The following ROS1 variants were observed in gnomAD, a reference collection of about 807,000 sequenced individuals.
ROS1 encodes the protein ROS proto-oncogene 1, receptor tyrosine kinase, also known as proto-oncogene tyrosine-protein kinase ROS.
Under a neutral mutation model 273.5 loss-of-function variants are expected in ROS1, and 263 were observed. That is an observed-to-expected ratio of 0.96 (90% CI 0.87 to 1.06). ROS1 has a LOEUF of 1.06. Among genes scored for constraint, ROS1 ranks in the 50% least tolerant of loss-of-function variants. ROS1 has a pLI of 0.00. For missense variants in ROS1, 2,833 were observed against 2,751.1 expected (o/e 1.03, Z -0.67); for synonymous variants, 1,008 against 954.1 (o/e 1.06, Z -1.04).
chr6:117,373,811 C>T (rs553628036), intron 18 of ROS1, among the ~76,000 whole-genome samples: 1 of 152,196 alleles, frequency 6.6e-6, no homozygotes, highest in African/African-American at 2.4e-5. Flanking sequence ...TGAGAGTGAG[C>T]GAGGGCTGCT....
intron 10 of ROS1, 109 bp downstream of exon 10, chr6:117,394,507 T>G: frequency 1.1e-6 from 1 of 919,304 alleles, no homozygotes; most frequent in South Asian, 3.4e-5. Context: ...TATTAGGATA[T>G]TAAGAGAATA....
chr6:117,371,195 C>T (rs1348794518), intron 18 of ROS1, among the ~76,000 whole-genome samples: 2 of 152,150 alleles, frequency 1.3e-5, no homozygotes, highest in Admixed American at 1.3e-4. Context: ...AGAGAATCCA[C>T]AGACGCTTTG....
At chr6:117,380,757 C>T (rs537701844) in intron 17 of ROS1, among the ~76,000 whole-genome samples, 1 of 151,992 alleles carries the variant, frequency 6.6e-6, no homozygotes, top group East Asian at 1.9e-4. Context: ...TTTATATAAA[C>T]CTCTCTGATC....
rs546028106 is a variant in ROS1 at position 117,341,276 on chromosome 6, T to G, written c.4920A>C (p.Thr1640=). Residue 1640 remains threonine (T), a synonymous_variant, in exon 31 of 44, where the codon ACA becomes ACC. Coordinates refer to ENST00000368507, the MANE Select transcript of ROS1 (RefSeq NM_001378902.1). The part of the protein sequence containing the change: ...LACHSEEMWC[T]ESHPVTVEMF... ...TTTCCACAGTGACAGGATGACTCTC[T>G]GTACACCACATTTCCTCAGAGTGGC... 1 of 1,613,412 alleles carries G rather than the reference T, an allele frequency of 6.2e-7. No individual in the cohort carries two copies. The highest frequency in any genetic ancestry group is 1.3e-5 in the African/African-American group (1 of 74,878).
rs2128575030 is a variant in ROS1, at chr6:117,324,382, A to G, written c.5573T>C (p.Leu1858Pro). The G allele has an allele frequency of 6.6e-7, 1 of 1,515,282 alleles. No homozygotes were observed. The highest frequency in any genetic ancestry group is 9.1e-7 in the Non-Finnish European group (1 of 1,098,788). The allele number at this position is 1,515,282 out of a possible 1,614,324, so 93.9% of individuals were successfully genotyped here. A position where few individuals can be genotyped will look rare whatever the true frequency, so the allele number is the denominator to read the frequency against. ...DFWIPETSFI[L>P]TIIVGIFLVV... Reference sequence around the variant, plus strand: ...CAGAAATATTCCAACTATAATAGTAAGTATGAAACTTGTTTCTGGTATCCA... The same window carrying G: ...CAGAAATATTCCAACTATAATAGTAGGTATGAAACTTGTTTCTGGTATCCA... The change falls in exon 35 of 44, where the codon CTT (leucine) becomes CCT (proline). Residue 1858 changes from leucine (L) to proline (P), a missense_variant. Coordinates refer to ENST00000368507, the MANE Select transcript of ROS1 (RefSeq NM_001378902.1).
intron 4 of ROS1, among the ~76,000 whole-genome samples, chr6:117,411,981 T>A (rs1236662847): frequency 1.3e-5 from 2 of 152,166 alleles, no homozygotes. Flanking sequence ...ATTAGGGTGA[T>A]CCAAGCCAAG....
chr6:117,299,151 G>T (rs1774484107), intron 43 of ROS1, among the ~76,000 whole-genome samples: 1 of 152,220 alleles, frequency 6.6e-6, no homozygotes, highest in South Asian at 2.1e-4. Context: ...TCTAATGAGG[G>T]TTATGACGCA....
Position 117,337,324 on chromosome 6 carries a change from A to G in ROS1, c.5078T>C (p.Phe1693Ser). ...VELQKWKYNE[F>S]YHVKTSCSQG... ...GCTGCATGAAGTTTTAACATGGTAAAACTCATTGTATTTCCACTAGAAAAA... is the reference window on the plus strand; with the variant it reads ...GCTGCATGAAGTTTTAACATGGTAAGACTCATTGTATTTCCACTAGAAAAA... Residue 1693 changes from phenylalanine (F) to serine (S), a missense_variant, in exon 32 of 44, where the codon TTT becomes TCT. Transcript: ENST00000368507. 2 of 1,597,404 alleles carry G rather than the reference A, an allele frequency of 1.3e-6. No homozygotes were observed. Among genetic ancestry groups the G allele is most frequent in the Admixed American group, 3.6e-5 (2 of 55,476 alleles).
intron 5 of ROS1, among the ~76,000 whole-genome samples, chr6:117,406,593 T>C (rs1479214632): frequency 6.6e-6 from 1 of 152,166 alleles, no homozygotes; most frequent in Non-Finnish European, 1.5e-5. Flanking sequence ...TTTTAGAATA[T>C]AATAAAGGAA....
intron 4 of ROS1, among the ~76,000 whole-genome samples, chr6:117,409,989 A>G (rs889609775): frequency 6.6e-5 from 10 of 152,204 alleles, no homozygotes; most frequent in African/African-American, 2.4e-4. Context: ...TTTTATTGAA[A>G]TATATTCACC....
Position 117,387,792 on chromosome 6 carries a change from T to C in ROS1, c.1987A>G (p.Thr663Ala), listed in dbSNP as rs768558296. The C allele has an allele frequency of 5.0e-6, 8 of 1,613,932 alleles. No individual in the cohort carries two copies. The African/African-American group carries it at 8.0e-5, about 16-fold the overall frequency. Reference protein sequence around the residue: ...GPWSEPSVGTTLVPASEPPFI... With the variant: ...GPWSEPSVGTALVPASEPPFI... Reference sequence around the variant, plus strand: ...AACATTTTCTCACCTGGCACCAGGGTAGTACCCACTGAGGGCTCTGACCAG... The same window carrying C: ...AACATTTTCTCACCTGGCACCAGGGCAGTACCCACTGAGGGCTCTGACCAG... The change falls in exon 14 of 44, where the codon ACC (threonine) becomes GCC (alanine). Residue 663 changes from threonine to alanine, a missense_variant. Physicochemically the swap from Thr to Ala is moderately conservative, Grantham distance 58 (BLOSUM62 0). Transcript: ENST00000368507.
At chr6:117,336,563 C>T (rs945883890) in intron 32 of ROS1, among the ~76,000 whole-genome samples, 6 of 151,580 alleles carry the variant, frequency 4.0e-5, no homozygotes, top group East Asian at 3.9e-4. Context: ...TTGCTTCAAC[C>T]AGTCTAATGT....
chr6:117,365,513 G>C, intron 20 of ROS1, 68 bp downstream of exon 20: 1 of 1,344,428 alleles, frequency 7.4e-7, no homozygotes, highest in Non-Finnish European at 1.1e-6. Context: ...ACAGGTCAGT[G>C]TGGGCAAGGC....
In ROS1 at chr6:117,301,145, T is replaced by C; in HGVS notation, c.6552-8A>G. ...TGGGTCATTAAATTCCACCTAAATA[T>C]ATGGGGAAAGATGGGAAAGTAAATA... On this transcript the variant is annotated splice_region_variant and splice_polypyrimidine_tract_variant and intron_variant, in intron 42 of 43. Transcript: ENST00000368507. The C allele has an allele frequency of 6.4e-7, 1 of 1,572,994 alleles. No individual in the cohort carries two copies.
chr6:117,394,699 G>C lies in ROS1; in HGVS notation c.923C>G (p.Thr308Ser). The change falls in exon 10 of 44, where the codon ACT becomes AGT. Residue 308 changes from threonine (T) to serine (S), a missense_variant. Physicochemically the swap from Thr to Ser is moderately conservative, Grantham distance 58. Transcript: ENST00000368507. Reference protein sequence around the residue: ...EEQWLFLSRKTSLRKRSLKHL... With the variant: ...EEQWLFLSRKSSLRKRSLKHL... Reference sequence around the variant, plus strand: ...TTTTAAAGATCTCTTTCTTAGAGAAGTTTTTCTGGATAAAAAGAGCCACTG... The same window carrying C: ...TTTTAAAGATCTCTTTCTTAGAGAACTTTTTCTGGATAAAAAGAGCCACTG... 1 of 1,611,724 alleles carries C rather than the reference G, an allele frequency of 6.2e-7. No individual in the cohort carries two copies. The highest frequency in any genetic ancestry group is 1.1e-5 in the South Asian group (1 of 90,804).
chr6:117,301,139 T>TATA lies in ROS1; in HGVS notation c.6552-3_6552-2insTAT. On this transcript the variant is annotated splice_polypyrimidine_tract_variant and splice_region_variant and intron_variant, in intron 42 of 43. Transcript: ENST00000368507. ...CAGCACTGGGTCATTAAATTCCACC[T>TATA]AAATATATGGGGAAAGATGGGAAAG... is the stretch of plus-strand genomic sequence containing the variant. The TATA allele has an allele frequency of 6.3e-7, 1 of 1,577,616 alleles. No homozygotes were observed. Among genetic ancestry groups the TATA allele is most frequent in the Non-Finnish European group, 8.6e-7 (1 of 1,167,700 alleles).
At chr6:117,348,748 A>G (rs1231689968) in intron 27 of ROS1, among the ~76,000 whole-genome samples, 2 of 151,738 alleles carry the variant, frequency 1.3e-5, no homozygotes, top group Admixed American at 6.6e-5. Context: ...ACTTCCCTCT[A>G]AGCACTGATT....
rs1554252569 is a variant in ROS1 at position 117,398,693 on chromosome 6, A to AAAAAAAAAAAAAAAAAAAAAAAC, written c.605-1578_605-1577insGTTTTTTTTTTTTTTTTTTTTTT. On this transcript the variant is annotated intron_variant, in intron 7 of 43. Transcript: ENST00000368507. Reference sequence around the variant, plus strand: ...GACCTTGTCTCAAAAAAAAAAAAAAAAAAACTCGCGGTGACTCATGCTTGT... The same window carrying AAAAAAAAAAAAAAAAAAAAAAAC: ...GACCTTGTCTCAAAAAAAAAAAAAAAAAAAAAAAAAAAAAAAAAAAAACAAAACTCGCGGTGACTCATGCTTGT... Among the ~76,000 whole-genome samples, 166 of 141,168 alleles carry AAAAAAAAAAAAAAAAAAAAAAAC rather than the reference A, an allele frequency of 1.2e-3. 5 individuals are homozygous for AAAAAAAAAAAAAAAAAAAAAAAC. Among genetic ancestry groups the AAAAAAAAAAAAAAAAAAAAAAAC allele is most frequent in the Non-Finnish European group, 2.1e-3 (132 of 62,128 alleles). 92.6% of individuals were successfully genotyped at this position (141,168 alleles called of 152,430 possible).
intron 2 of ROS1, among the ~76,000 whole-genome samples, chr6:117,416,922 C>T (rs1314655275): frequency 6.6e-6 from 1 of 152,136 alleles, no homozygotes; most frequent in Non-Finnish European, 1.5e-5. Flanking sequence ...GCCACGGTGG[C>T]ACCTGGATTC....
Sources: allele counts gnomAD v4.1 joint callset (sites outside exome capture counted in the v4.1 genomes callset), GRCh38; gene constraint gnomAD v4.1.1; transcripts MANE v1.5; gene names NCBI Gene and HGNC (gene_info 2026-07-23, HGNC 2026-07-21).